Variants in SYNGR4 observed in about 807,000 individuals in gnomAD.
The protein encoded by SYNGR4 is synaptogyrin-4.
SYNGR4 carries 15 observed loss-of-function variants against 15.5 expected under a neutral mutation model. The observed-to-expected ratio is 0.97, with a 90% confidence interval of 0.65 to 1.49. The LOEUF is 1.49. Among genes scored for constraint, SYNGR4 ranks in the 40% most tolerant of loss-of-function variants. SYNGR4 has a pLI of 0.00. For missense variants in SYNGR4, 292 were observed against 299.3 expected (o/e 0.98, Z 0.18); for synonymous variants, 121 against 127.4 (o/e 0.95, Z 0.34).
chr19:48,373,346 A>G (rs1047232330), intron 2 of SYNGR4, 171 bp from the exon 3 acceptor site: 3 of 643,346 alleles, frequency 4.7e-6, no homozygotes, highest in Non-Finnish European at 8.3e-6. Context: ...GATGGAGCAG[A>G]GGGGACGAGG....
chr19:48,370,830 A>G (rs1970293358), intron 2 of SYNGR4, among the ~76,000 whole-genome samples: 1 of 152,024 alleles, frequency 6.6e-6, no homozygotes, highest in African/African-American at 2.4e-5. Context: ...CCTATTTTAC[A>G]CGCTAAATAT....
intron 2 of SYNGR4, among the ~76,000 whole-genome samples, chr19:48,371,777 AGGTATCACTCTGTTGCCCAGGCT>A (rs1368154189): frequency 6.6e-6 from 1 of 151,580 alleles, no homozygotes; most frequent in East Asian, 1.9e-4. Context: ...GGTAGATACT[AGGTATCACTCTGTTGCCCAGGCT>A]GGTCTCCTGA....
At chr19:48,375,579 C>T (rs1008873302) in intron 3 of SYNGR4, 34 bp from the exon 4 acceptor site, 1 of 1,594,054 alleles carries the variant, frequency 6.3e-7, no homozygotes, top group African/African-American at 1.3e-5. Flanking sequence ...GTGAGCTTTC[C>T]CCCTGCCCCT....
chr19:48,365,147 C>T (rs1970175082), intron 1 of SYNGR4, among the ~76,000 whole-genome samples: 1 of 151,264 alleles, frequency 6.6e-6, no homozygotes, highest in Admixed American at 6.6e-5. Context: ...TCCTGCACCT[C>T]CACCTCTGTG....
Position 48,373,709 on chromosome 19 carries a change from A to G in SYNGR4, c.286A>G (p.Thr96Ala), listed in dbSNP as rs771987838. 1 of 1,613,920 alleles carries G rather than the reference A, an allele frequency of 6.2e-7. No homozygotes were observed. The change falls in exon 3 of 5, where the codon ACC becomes GCC. Residue 96 changes from threonine to alanine, a missense_variant. Thr to Ala is a moderately conservative substitution (Grantham distance 58). Transcript: ENST00000344846. Reference protein sequence around the residue: ...LDTQETRIAGTRFKTAFQLLD... With the variant: ...LDTQETRIAGARFKTAFQLLD... ...CACACAGGAGACCCGCATTGCCGGC[A>G]CCCGCTTCAAGACAGCCTTCCAGCT...
chr19:48,375,404 C>T (rs1970385682), intron 3 of SYNGR4, among the ~76,000 whole-genome samples: 1 of 152,164 alleles, frequency 6.6e-6, no homozygotes. Context: ...CGCAACTCTA[C>T]TCCAGCAGCT....
chr19:48,370,864 C>T (rs1970294206), intron 2 of SYNGR4, among the ~76,000 whole-genome samples: 1 of 152,240 alleles, frequency 6.6e-6, no homozygotes, highest in Admixed American at 6.5e-5. Flanking sequence ...AGGGCTCTGG[C>T]CTCAGCCTTT....
chr19:48,375,791 C>T, intron 4 of SYNGR4, 39 bp downstream of exon 4: 1 of 1,597,222 alleles, frequency 6.3e-7, no homozygotes, highest in Non-Finnish European at 8.6e-7. Flanking sequence ...CCTAGGAGGG[C>T]ACCCTCTGCA....
chr19:48,374,470 C>G, intron 3 of SYNGR4, among the ~76,000 whole-genome samples: 1 of 152,162 alleles, frequency 6.6e-6, no homozygotes, highest in Admixed American at 6.6e-5. Flanking sequence ...GGCCTGACCT[C>G]CTTCCTCTCA....
chr19:48,371,802 G>C (rs1326646646), intron 2 of SYNGR4, among the ~76,000 whole-genome samples: 1 of 151,862 alleles, frequency 6.6e-6, no homozygotes, highest in Non-Finnish European at 1.5e-5. Flanking sequence ...GCCCAGGCTG[G>C]TCTCCTGAGC....
chr19:48,365,582 T>A, intron 1 of SYNGR4, among the ~76,000 whole-genome samples, 154 bp from the exon 2 acceptor site: 1 of 140,338 alleles, frequency 7.1e-6, no homozygotes. Flanking sequence ...CCCCACACCC[T>A]GACTCCTAAG....
chr19:48,365,635 A>ACCCCCCCACCC, intron 1 of SYNGR4, 101 bp from the exon 2 acceptor site: 2 of 224,172 alleles, frequency 8.9e-6, no homozygotes, highest in South Asian at 4.3e-5. Context: ...CATTCCGGGG[A>ACCCCCCCACCC]CCCCCCCCAT....
At chr19:48,366,060 G>A (rs989857328) in intron 2 of SYNGR4, 125 bp downstream of exon 2, 2 of 974,284 alleles carry the variant, frequency 2.1e-6, no homozygotes, top group Admixed American at 2.2e-5. Flanking sequence ...AGACAACGGA[G>A]CAAATGCTGA....
chr19:48,375,816 G>A lies in SYNGR4; in HGVS notation c.471+64G>A, dbSNP rs1453810011. On this transcript the variant is annotated intron_variant, in intron 4 of 4. Coordinates refer to ENST00000344846, the MANE Select transcript of SYNGR4 (RefSeq NM_012451.4). ...CACCCTCTGCAGGGTGGGGTTGAAA[G>A]GGCTAGAACATTCCTGCTCTCACTT... The A allele has an allele frequency of 2.7e-5, 42 of 1,576,692 alleles. No homozygotes were observed. In the South Asian group the frequency reaches 4.2e-4, roughly 16 times the overall value.
At chr19:48,368,142 C>A (rs1295281296) in intron 2 of SYNGR4, among the ~76,000 whole-genome samples, 3 of 152,212 alleles carry the variant, frequency 2.0e-5, no homozygotes, top group Non-Finnish European at 2.9e-5. Context: ...TTACCAGCAG[C>A]AGCAACTTTC....
intron 2 of SYNGR4, among the ~76,000 whole-genome samples, chr19:48,368,347 C>G (rs1970250929): frequency 1.3e-5 from 2 of 152,126 alleles, no homozygotes; most frequent in Non-Finnish European, 2.9e-5. Flanking sequence ...TAGCATGGGC[C>G]AGGCAAGTAG....
intron 3 of SYNGR4, among the ~76,000 whole-genome samples, chr19:48,375,292 C>T (rs1248930362): frequency 1.3e-5 from 2 of 152,002 alleles, no homozygotes; most frequent in Non-Finnish European, 2.9e-5. Context: ...TCCCAAAGTG[C>T]TGGGATTACA....
At position 48,375,723 on chromosome 19, in the gene SYNGR4, G is replaced by T. The variant is rs752596742; in HGVS notation, c.442G>T (p.Ala148Ser). ...GAGCAGCAGTGCCCAGGCAGCCATCGCCTTCACCTTCTTCTCCATCCTTGT... is the reference window on the plus strand; with the variant it reads ...GAGCAGCAGTGCCCAGGCAGCCATCTCCTTCACCTTCTTCTCCATCCTTGT... ...LGSSSAQAAI[A>S]FTFFSILVWI... The change falls in exon 4 of 5, where the codon GCC becomes TCC. Residue 148 changes from alanine to serine, a missense_variant. Physicochemically the swap from Ala to Ser is moderately conservative, Grantham distance 99 (BLOSUM62 1). Coordinates refer to ENST00000344846, the MANE Select transcript of SYNGR4 (RefSeq NM_012451.4). The T allele has an allele frequency of 6.2e-7, 1 of 1,613,646 alleles. No homozygotes were observed. Among genetic ancestry groups the T allele is most frequent in the Admixed American group, 1.7e-5 (1 of 60,014 alleles).
At chr19:48,371,857 A>G (rs1970313412) in intron 2 of SYNGR4, among the ~76,000 whole-genome samples, 1 of 151,148 alleles carries the variant, frequency 6.6e-6, no homozygotes, top group Non-Finnish European at 1.5e-5. Flanking sequence ...TTGGGATTAC[A>G]GATGTGAGCC....
Sources: gnomAD v4.1 joint callset for allele counts (sites outside exome capture counted in the v4.1 genomes callset) on GRCh38, gnomAD v4.1.1 for gene constraint, MANE v1.5 for transcripts, NCBI Gene and HGNC (gene_info 2026-07-23, HGNC 2026-07-21) for gene names.